ST18: variants seen among roughly 807,000 people sequenced by gnomAD.
The protein encoded by ST18 is ST18 C2H2C-type zinc finger transcription factor, also known as suppression of tumorigenicity 18 protein.
ST18 carries 50 observed loss-of-function variants against 110.0 expected under a neutral mutation model. That is an observed-to-expected ratio of 0.45 (90% CI 0.36 to 0.58). ST18 has a LOEUF of 0.58. Among genes scored for constraint, ST18 ranks in the 20% least tolerant of loss-of-function variants. The pLI, the probability that ST18 is intolerant of heterozygous loss-of-function variation, is 0.00. For synonymous variants in ST18, 461 were observed against 452.4 expected, an observed-to-expected ratio of 1.02 and a Z score of -0.24; for missense variants, 1,306 against 1,280.1, an observed-to-expected ratio of 1.02 and a Z score of -0.31.
intron 23 of ST18, among the ~76,000 whole-genome samples, chr8:52,123,269 G>C (rs900701896): frequency 1.3e-5 from 2 of 152,172 alleles, no homozygotes; most frequent in African/African-American, 4.8e-5. Context: ...TTACATGAAT[G>C]ATTTGTACGT....
Position 52,171,189 on chromosome 8 carries a change from G to C in ST18, c.1069+603C>G, listed in dbSNP as rs554614320. Among the ~76,000 whole-genome samples the C allele has an allele frequency of 2.0e-5, 3 of 152,302 alleles. No individual in the cohort carries two copies. In the South Asian group the frequency reaches 6.2e-4, roughly 32 times the overall value. On this transcript the variant is annotated intron_variant, in intron 10 of 25. Transcript: ENST00000689386. ...TGGTGCAAGACTCCGGGGAGAAAGA[G>C]CAGGGGGAATGCTCCAGGGAAGCAG...
chr8:52,158,743 G>T (rs2060634233), intron 15 of ST18, among the ~76,000 whole-genome samples, 155 bp downstream of exon 15: 1 of 152,200 alleles, frequency 6.6e-6, no homozygotes, highest in African/African-American at 2.4e-5. Flanking sequence ...GCTCATCCCT[G>T]CCTGCGTTCC....
intron 7 of ST18, 97 bp from the exon 8 acceptor site, chr8:52,212,206 A>G (rs529915833): frequency 2.5e-6 from 3 of 1,179,900 alleles, no homozygotes; most frequent in South Asian, 2.7e-5. Context: ...GTAACGACCA[A>G]TAAGTTTCTC....
chr8:52,381,242 T>C (rs969045459), intron 2 of ST18, among the ~76,000 whole-genome samples: 1 of 152,190 alleles, frequency 6.6e-6, no homozygotes, highest in African/African-American at 2.4e-5. Context: ...TGGAACCCTA[T>C]ACTTAGCTCC....
rs1820159305 is a variant in ST18 at position 52,351,182 on chromosome 8, G to A, written c.-465+58146C>T. ...CATTATTTGGCGTAAGGCTTACTTGGTATGAAATGGATCATTTCAGAACAG... is the reference window on the plus strand; with the variant it reads ...CATTATTTGGCGTAAGGCTTACTTGATATGAAATGGATCATTTCAGAACAG... On this transcript the variant is annotated intron_variant, in intron 2 of 25. Coordinates refer to ENST00000689386, the MANE Select transcript of ST18 (RefSeq NM_001352837.2). Among the ~76,000 whole-genome samples the A allele has an allele frequency of 2.0e-5, 3 of 152,080 alleles. No homozygotes were observed. In the South Asian group the frequency reaches 6.2e-4, roughly 32 times the overall value.
intron 2 of ST18, among the ~76,000 whole-genome samples, chr8:52,338,834 C>T (rs1813464846): frequency 6.6e-6 from 1 of 152,044 alleles, no homozygotes; most frequent in African/African-American, 2.4e-5. Flanking sequence ...ACCTTCTGAG[C>T]TCAGTCAATC....
intron 2 of ST18, among the ~76,000 whole-genome samples, chr8:52,251,993 A>G (rs2094333034): frequency 1.3e-5 from 2 of 152,116 alleles, no homozygotes; most frequent in African/African-American, 2.4e-5. Context: ...AATTAATTTC[A>G]AGAGCAATAA....
At chr8:52,175,238 C>G (rs910259590) in intron 9 of ST18, among the ~76,000 whole-genome samples, 1 of 152,128 alleles carries the variant, frequency 6.6e-6, no homozygotes, top group African/African-American at 2.4e-5. Flanking sequence ...TTGCCCCTGC[C>G]CCAGCTACTA....
intron 8 of ST18, among the ~76,000 whole-genome samples, chr8:52,207,226 C>T (rs1278849680): frequency 6.6e-6 from 1 of 152,164 alleles, no homozygotes; most frequent in Non-Finnish European, 1.5e-5. Context: ...TGGCTCACAC[C>T]TATAATCCCA....
At chr8:52,120,031 A>G (rs1008480802) in intron 23 of ST18, among the ~76,000 whole-genome samples, 11 of 152,212 alleles carry the variant, frequency 7.2e-5, no homozygotes, top group African/African-American at 2.4e-4. Flanking sequence ...ACAGTTACCC[A>G]GGACCATACT....
chr8:52,338,400 C>T (rs1303002521), intron 2 of ST18, among the ~76,000 whole-genome samples: 1 of 152,062 alleles, frequency 6.6e-6, no homozygotes, highest in Non-Finnish European at 1.5e-5. Flanking sequence ...ATTCCTAATA[C>T]AAAATTAAAA....
chr8:52,407,628 G>A (rs1462271888), intron 2 of ST18: 1 of 152,138 alleles, frequency 6.6e-6, no homozygotes, highest in African/African-American at 2.4e-5. Flanking sequence ...TCCATGTTGA[G>A]GGACCCATTT....
At chr8:52,313,988 T>C (rs1219028527) in intron 2 of ST18, among the ~76,000 whole-genome samples, 1 of 152,170 alleles carries the variant, frequency 6.6e-6, no homozygotes, top group African/African-American at 2.4e-5. Context: ...GGTCAGCTGA[T>C]GGCTCCACTG....
Position 52,126,082 on chromosome 8 carries a change from G to A in ST18, c.2725C>T (p.Leu909Phe), listed in dbSNP as rs1191375393. ...GTTGCTTTGAGCTTGATGGTCATGAGTTCTTCAGAAACCTTGCCCTTTTTG... is the reference window on the plus strand; with the variant it reads ...GTTGCTTTGAGCTTGATGGTCATGAATTCTTCAGAAACCTTGCCCTTTTTG... ...VIKKGKVSEE[L>F]MTIKLKATGG... is the part of the protein sequence containing the mutation. Residue 909 changes from leucine (L) to phenylalanine (F), a missense_variant, in exon 23 of 26, where the codon CTC becomes TTC. Coordinates refer to ENST00000689386, the MANE Select transcript of ST18 (RefSeq NM_001352837.2). 1.2e-6 allele frequency: 2 copies of A among 1,614,096 alleles called. No homozygotes were observed. Among genetic ancestry groups the A allele is most frequent in the Non-Finnish European group, 1.7e-6 (2 of 1,179,998 alleles).
chr8:52,143,498 G>T (rs1039482437), intron 16 of ST18, among the ~76,000 whole-genome samples: 2 of 151,866 alleles, frequency 1.3e-5, no homozygotes, highest in African/African-American at 4.8e-5. Flanking sequence ...AAAAAGAAAA[G>T]AAAAGAAATA....
chr8:52,325,308 C>T (rs1805807179), intron 2 of ST18, among the ~76,000 whole-genome samples: 1 of 152,054 alleles, frequency 6.6e-6, no homozygotes. Context: ...AATGATAGCC[C>T]CATTTATACA....
intron 2 of ST18, among the ~76,000 whole-genome samples, chr8:52,370,485 T>G (rs1244929435): frequency 1.3e-5 from 2 of 152,092 alleles, no homozygotes; most frequent in East Asian, 3.9e-4. Flanking sequence ...GCTACAACAC[T>G]GTTCTAGTCC....
intron 2 of ST18, among the ~76,000 whole-genome samples, chr8:52,276,914 C>T (rs1419098989): frequency 6.6e-6 from 1 of 151,928 alleles, no homozygotes; most frequent in Admixed American, 6.6e-5. Context: ...TTACTGGTGC[C>T]CACCACCACG....
At position 52,139,323 on chromosome 8, in the gene ST18, TA is replaced by T. The variant is rs1445339383; in HGVS notation, c.2169-1841del. Among the ~76,000 whole-genome samples the T allele has an allele frequency of 1.5e-3, 55 of 37,050 alleles. No individual in the cohort carries two copies. In the African/African-American group the frequency reaches 0.049, roughly 33 times the overall value. 24.3% of individuals were successfully genotyped at this position (37,050 alleles called of 152,430 possible). ...TTTAGTGTTACAAACAGCATTGCAT[TA>T]TATATATATATATATATATACACAC... On this transcript the variant is annotated intron_variant, in intron 17 of 25. Transcript: ENST00000689386.
Sources: gnomAD v4.1 joint callset for allele counts (sites outside exome capture counted in the v4.1 genomes callset) on GRCh38, gnomAD v4.1.1 for gene constraint, MANE v1.5 for transcripts, NCBI Gene and HGNC (gene_info 2026-07-23, HGNC 2026-07-21) for gene names.